Variants in DPYSL5 observed in about 807,000 individuals in gnomAD.
The protein encoded by DPYSL5 is dihydropyrimidinase-related protein 5.
Under a neutral mutation model 58.4 loss-of-function variants are expected in DPYSL5, and 9 were observed. That is an observed-to-expected ratio of 0.15 (90% CI 0.09 to 0.27). DPYSL5 has a LOEUF of 0.27. Ranked by LOEUF, DPYSL5 falls within the 10% of genes least tolerant of loss-of-function variation. The pLI, the probability that DPYSL5 is intolerant of heterozygous loss-of-function variation, is 1.00. For missense variants in DPYSL5, 499 were observed against 770.6 expected (o/e 0.65, Z 4.17); for synonymous variants, 293 against 301.9 (o/e 0.97, Z 0.31).
At chr2:26,848,451 G>A (rs1014944955) in intron 1 of DPYSL5, 197 bp downstream of exon 1, 1 of 152,516 alleles carries the variant, frequency 6.6e-6, no homozygotes, top group Non-Finnish European at 1.5e-5. Context: ...GCGCTCTTGG[G>A]GTCCTCTTTG....
At chr2:26,872,114 C>T (rs886128399) in intron 1 of DPYSL5, among the ~76,000 whole-genome samples, 2 of 152,186 alleles carry the variant, frequency 1.3e-5, no homozygotes, top group Admixed American at 6.5e-5. Context: ...AGTCCGGGCA[C>T]GTGTACCTCC....
chr2:26,931,483 T>C (rs145194693), intron 5 of DPYSL5, among the ~76,000 whole-genome samples, 157 bp from the exon 6 acceptor site: 244 of 152,060 alleles, frequency 1.6e-3, no homozygotes, highest in African/African-American at 5.7e-3. Context: ...TCTCCCTCAC[T>C]GTGAGCCAAG....
At chr2:26,943,157 T>G (rs1246820525) in intron 11 of DPYSL5, among the ~76,000 whole-genome samples, 1 of 152,056 alleles carries the variant, frequency 6.6e-6, no homozygotes, top group Non-Finnish European at 1.5e-5. Context: ...AGCTGGCATT[T>G]GCAAAGCATT....
Position 26,849,167 on chromosome 2 carries a change from G to T in DPYSL5, c.-5+913G>T, listed in dbSNP as rs1665680144. 1.3e-5 allele frequency among the ~76,000 whole-genome samples: 2 copies of T among 151,842 alleles called. No homozygotes were observed. The highest frequency in any genetic ancestry group is 4.8e-5 in the African/African-American group (2 of 41,348). ...AGGGGCGGGGGCGGGTCCGAAGAAC[G>T]AGGGAAGGAGCTCGGTGCAGGTGGC... On this transcript the variant is annotated intron_variant, in intron 1 of 12. Coordinates refer to ENST00000288699, the MANE Select transcript of DPYSL5 (RefSeq NM_020134.4). This position sits in a 1 kb window ranked among gnomAD's most constrained non-coding sequence, Gnocchi z 6.2.
chr2:26,868,783 A>T (rs894961339), intron 1 of DPYSL5, among the ~76,000 whole-genome samples: 2 of 151,538 alleles, frequency 1.3e-5, no homozygotes, highest in African/African-American at 4.9e-5. Flanking sequence ...AATTTTCTCA[A>T]CTCCTCTCAA....
chr2:26,894,241 C>T (rs1416409766), intron 1 of DPYSL5, among the ~76,000 whole-genome samples: 1 of 152,002 alleles, frequency 6.6e-6, no homozygotes, highest in Non-Finnish European at 1.5e-5. Context: ...CCTATGTGCA[C>T]CCCATTTCAC....
At chr2:26,929,618 C>T (rs939149790) in intron 5 of DPYSL5, among the ~76,000 whole-genome samples, 4 of 152,222 alleles carry the variant, frequency 2.6e-5, no homozygotes, top group Non-Finnish European at 4.4e-5. Context: ...GTGGAAAAAT[C>T]GTGTTCCACG....
At chr2:26,861,633 T>C (rs1468596616) in intron 1 of DPYSL5, among the ~76,000 whole-genome samples, 1 of 152,238 alleles carries the variant, frequency 6.6e-6, no homozygotes, top group African/African-American at 2.4e-5. Flanking sequence ...TGGATGCTCC[T>C]ATAGAATTGG....
In DPYSL5 at chr2:26,898,751, T is replaced by C. The variant is rs759003330; in HGVS notation, c.252T>C (p.His84=). The change falls in exon 2 of 13, where the codon CAT becomes CAC. Residue 84 remains histidine (H), a synonymous_variant. Coordinates refer to ENST00000288699, the MANE Select transcript of DPYSL5 (RefSeq NM_020134.4). The surrounding 1 kb of genome is among the most constrained non-coding windows in gnomAD (Gnocchi z 6.1). ...CCACGTGCGTGGACGACTTCTACCA[T>C]GGGACCAAGGTAATGCTCCTGTTTG... ...MNATCVDDFY[H]GTKAALVGGT... 6.2e-7 allele frequency: 1 copy of C among 1,609,986 alleles called. No individual in the cohort carries two copies. The highest frequency in any genetic ancestry group is 8.5e-7 in the Non-Finnish European group (1 of 1,177,010).
intron 6 of DPYSL5, 79 bp downstream of exon 6, chr2:26,931,763 T>C: frequency 6.6e-7 from 1 of 1,507,878 alleles, no homozygotes; most frequent in Non-Finnish European, 9.2e-7. Context: ...ATCCCAGCAC[T>C]TTGGGAGGCC....
chr2:26,865,173 G>T lies in DPYSL5; in HGVS notation c.-5+16919G>T, dbSNP rs536479098. ...ATTTTGTATTAAAATAACATCTCTTGTTCCTTCTTTCTTTGGAAACCTTTG... is the reference window on the plus strand; with the variant it reads ...ATTTTGTATTAAAATAACATCTCTTTTTCCTTCTTTCTTTGGAAACCTTTG... On this transcript the variant is annotated intron_variant, in intron 1 of 12. Coordinates refer to ENST00000288699, the MANE Select transcript of DPYSL5 (RefSeq NM_020134.4). Among the ~76,000 whole-genome samples the T allele has an allele frequency of 3.3e-5, 5 of 152,058 alleles. 1 individual carries two copies. In the East Asian group the frequency reaches 7.7e-4, roughly 24 times the overall value.
In DPYSL5 at chr2:26,924,703, C is replaced by T. The variant is rs1664785239; in HGVS notation, c.262-184C>T. ...GGGGACCCGTGGTCATGATGAAGGTCGCGCTGGCTCTCGCACCTCCACATG... is the reference window on the plus strand; with the variant it reads ...GGGGACCCGTGGTCATGATGAAGGTTGCGCTGGCTCTCGCACCTCCACATG... On this transcript the variant is annotated intron_variant, in intron 2 of 12. Transcript: ENST00000288699. The surrounding 1 kb of genome is among the most constrained non-coding windows in gnomAD (Gnocchi z 4.7). Among the ~76,000 whole-genome samples the T allele has an allele frequency of 6.6e-6, 1 of 152,102 alleles. No homozygotes were observed. Among genetic ancestry groups the T allele is most frequent in the African/African-American group, 2.4e-5 (1 of 41,428 alleles).
At position 26,944,563 on chromosome 2, in the gene DPYSL5, A is replaced by T; in HGVS notation, c.1441-93A>T. The T allele has an allele frequency of 7.0e-7, 1 of 1,429,552 alleles. No homozygotes were observed. Among genetic ancestry groups the T allele is most frequent in the East Asian group, 2.3e-5 (1 of 43,634 alleles). 88.6% of individuals were successfully genotyped at this position (1,429,552 alleles called of 1,614,324 possible). A position where few individuals can be genotyped will look rare whatever the true frequency, so the allele number is the denominator to read the frequency against. On this transcript the variant is annotated intron_variant, in intron 11 of 12. Coordinates refer to ENST00000288699, the MANE Select transcript of DPYSL5 (RefSeq NM_020134.4). This position sits in a 1 kb window ranked among gnomAD's most constrained non-coding sequence, Gnocchi z 4.4. ...GGTCTTGGGCAGAGTGGCAGTGTCT[A>T]ATGTCCCACCGGCCCCCAGGGAGGC...
intron 1 of DPYSL5, among the ~76,000 whole-genome samples, chr2:26,851,809 G>C (rs974717013): frequency 1.3e-4 from 20 of 152,292 alleles, no homozygotes; most frequent in Non-Finnish European, 2.8e-4. Flanking sequence ...GCCTGACGTG[G>C]TGGCGCACAC....
intron 8 of DPYSL5, among the ~76,000 whole-genome samples, chr2:26,936,207 G>A (rs1317883049): frequency 3.9e-5 from 6 of 152,316 alleles, no homozygotes; most frequent in East Asian, 3.9e-4. Flanking sequence ...GTCTCCCTCC[G>A]AGGGTCCCGC....
chr2:26,940,336 A>G (rs936762461), intron 9 of DPYSL5, among the ~76,000 whole-genome samples, 164 bp downstream of exon 9: 7 of 152,242 alleles, frequency 4.6e-5, no homozygotes, highest in African/African-American at 1.2e-4. Context: ...AACAAAACAC[A>G]AAAGGTCTTT....
chr2:26,891,559 C>T (rs906434542), intron 1 of DPYSL5, among the ~76,000 whole-genome samples: 9 of 152,304 alleles, frequency 5.9e-5, no homozygotes, highest in Non-Finnish European at 7.3e-5. Flanking sequence ...CCATCTATTC[C>T]TCCCTCACCC....
intron 1 of DPYSL5, among the ~76,000 whole-genome samples, chr2:26,862,780 T>C (rs1666050196): frequency 6.6e-6 from 1 of 152,118 alleles, no homozygotes; most frequent in African/African-American, 2.4e-5. Context: ...CTGTATTGAC[T>C]AAGTTGGTGG....
upstream of DPYSL5, chr2:26,848,080 G>T (rs1249131953): frequency 6.6e-6 from 1 of 151,376 alleles, no homozygotes; most frequent in Non-Finnish European, 1.5e-5. Context: ...CCCAGCCCCC[G>T]ACACGCGCCC....
Sources: allele counts gnomAD v4.1 joint callset (sites outside exome capture counted in the v4.1 genomes callset), GRCh38; gene constraint gnomAD v4.1.1; non-coding constraint Gnocchi (gnomAD v3.1); transcripts MANE v1.5; gene names NCBI Gene and HGNC (gene_info 2026-07-23, HGNC 2026-07-21).